The following GRIA2 variants were observed in gnomAD, a reference collection of about 807,000 sequenced individuals.
The protein encoded by GRIA2 is glutamate receptor 2.
Under a neutral mutation model 97.3 loss-of-function variants are expected in GRIA2, and 14 were observed. The ratio of observed to expected loss-of-function variants is 0.14; its 90% CI spans 0.10 to 0.23. GRIA2 has a LOEUF of 0.23. GRIA2 is among the 10% of genes least tolerant of loss of function. The pLI is 1.00. For missense variants in GRIA2, 558 were observed against 1,069.8 expected (o/e 0.52, Z 6.67); for synonymous variants, 412 against 387.8 (o/e 1.06, Z -0.73).
intron 2 of GRIA2, among the ~76,000 whole-genome samples, chr4:157,285,830 C>T (rs924931602): frequency 6.6e-6 from 1 of 151,498 alleles, no homozygotes; most frequent in Admixed American, 6.6e-5. Flanking sequence ...ACAGTGACTA[C>T]AATTTATAGA....
At chr4:157,356,773 A>T (rs181756236) in intron 12 of GRIA2, among the ~76,000 whole-genome samples, 1 of 152,112 alleles carries the variant, frequency 6.6e-6, no homozygotes, top group African/African-American at 2.4e-5. Flanking sequence ...TAAATATATT[A>T]TAAGAAATAA....
At chr4:157,243,005 G>T (rs1730573662) in intron 2 of GRIA2, among the ~76,000 whole-genome samples, 1 of 152,020 alleles carries the variant, frequency 6.6e-6, no homozygotes, top group Non-Finnish European at 1.5e-5. Flanking sequence ...AACAAAAAGT[G>T]CAAAGATGCA....
chr4:157,301,887 A>G (rs1006598929), intron 2 of GRIA2, among the ~76,000 whole-genome samples: 2 of 152,018 alleles, frequency 1.3e-5, no homozygotes. Flanking sequence ...TTAAAGCCAC[A>G]TATTTGGCCA....
At chr4:157,268,347 G>A (rs1731864122) in intron 2 of GRIA2, among the ~76,000 whole-genome samples, 1 of 151,976 alleles carries the variant, frequency 6.6e-6, no homozygotes, top group South Asian at 2.1e-4. Flanking sequence ...ATTGAAATAA[G>A]TAAGCTCACT....
At chr4:157,297,620 AGTTT>A (rs1390571702) in intron 2 of GRIA2, among the ~76,000 whole-genome samples, 1 of 152,122 alleles carries the variant, frequency 6.6e-6, no homozygotes, top group Non-Finnish European at 1.5e-5. Context: ...ATTCAAACCC[AGTTT>A]GTTCTCACTT....
intron 2 of GRIA2, among the ~76,000 whole-genome samples, chr4:157,284,341 G>A (rs891376225): frequency 6.6e-6 from 1 of 151,662 alleles, no homozygotes; most frequent in African/African-American, 2.4e-5. Flanking sequence ...AGACTTTTGT[G>A]GACTTACATT....
rs567550367 is a variant in GRIA2, at chr4:157,363,324, C to T, written c.*4-111C>T. The stretch of plus-strand genomic sequence containing the variant: ...ACTGTTTGCTTTCATTTGCTAGAAG[C>T]TTTCAGATAGAAGTAAACTTTTCAA... On this transcript the variant is annotated intron_variant, in intron 15 of 15. Coordinates refer to ENST00000264426, the MANE Select transcript of GRIA2 (RefSeq NM_001083619.3). 3,817 of 660,214 alleles carry T rather than the reference C, an allele frequency of 5.8e-3. 20 individuals are homozygous for T. Among genetic ancestry groups the T allele is most frequent in the Non-Finnish European group, 6.6e-3 (3,030 of 457,966 alleles). 40.9% of individuals were successfully genotyped at this position (660,214 alleles called of 1,614,324 possible). A position where few individuals can be genotyped will look rare whatever the true frequency, so the allele number is the denominator to read the frequency against.
At chr4:157,259,819 C>T (rs1186264484) in intron 2 of GRIA2, among the ~76,000 whole-genome samples, 1 of 152,100 alleles carries the variant, frequency 6.6e-6, no homozygotes, top group South Asian at 2.1e-4. Context: ...TTCCTTATAA[C>T]TCACTGCCAG....
intron 2 of GRIA2, among the ~76,000 whole-genome samples, chr4:157,271,583 A>G (rs1198714969): frequency 6.6e-6 from 1 of 152,074 alleles, no homozygotes; most frequent in Non-Finnish European, 1.5e-5. Flanking sequence ...ATATTCCACT[A>G]TCTAGAAGTT....
intron 2 of GRIA2, among the ~76,000 whole-genome samples, chr4:157,276,079 C>T (rs1040847349): frequency 1.3e-5 from 2 of 152,058 alleles, no homozygotes; most frequent in Admixed American, 6.6e-5. Flanking sequence ...AGGTCCTTCA[C>T]GTCCCTTGTA....
Position 157,360,025 on chromosome 4 carries a change from T to G in GRIA2, c.2173T>G (p.Leu725Val), listed in dbSNP as rs562250284. 6.2e-7 allele frequency: 1 copy of G among 1,613,954 alleles called. No individual in the cohort carries two copies. Reference protein sequence around the residue: ...RKSKGKYAYLLESTMNEYIEQ... With the variant: ...RKSKGKYAYLVESTMNEYIEQ... ...GTCCAAAGGGAAATATGCCTACTTG[T>G]TGGAGTCCACGATGAACGAGTACAT... Residue 725 changes from leucine (L) to valine (V), a missense_variant, in exon 13 of 16, where the codon TTG (leucine) becomes GTG (valine). Leu to Val is a conservative substitution (Grantham distance 32). Coordinates refer to ENST00000264426, the MANE Select transcript of GRIA2 (RefSeq NM_001083619.3).
In GRIA2 at chr4:157,361,254, G is replaced by T. The variant is rs1208589004; in HGVS notation, c.2406+130G>T. The T allele has an allele frequency of 2.9e-6, 2 of 692,342 alleles. No individual in the cohort carries two copies. Among genetic ancestry groups the T allele is most frequent in the Non-Finnish European group, 4.9e-6 (2 of 404,208 alleles). The allele number at this position is 692,342 out of a possible 1,614,324, so 42.9% of individuals were successfully genotyped here. The stretch of plus-strand genomic sequence containing the variant: ...CTGAAGAGTGCAATTGGATGACCAG[G>T]ACACTTGACTTCTTCTTTCTTTCTT... On this transcript the variant is annotated intron_variant, in intron 14 of 15. Transcript: ENST00000264426. The surrounding 1 kb of genome is among the most constrained non-coding windows in gnomAD (Gnocchi z 5.2).
chr4:157,312,101 A>T (rs533171511), intron 3 of GRIA2, among the ~76,000 whole-genome samples: 2 of 152,166 alleles, frequency 1.3e-5, no homozygotes, highest in Admixed American at 1.3e-4. Context: ...TAACAAAAAA[A>T]ATAACATAAC....
At chr4:157,226,048 AT>A (rs1226827059) in intron 2 of GRIA2, among the ~76,000 whole-genome samples, 1 of 152,000 alleles carries the variant, frequency 6.6e-6, no homozygotes, top group African/African-American at 2.4e-5. Context: ...AAAGTATTAA[AT>A]ATTGAATTTA....
At chr4:157,271,881 G>C (rs1732042210) in intron 2 of GRIA2, among the ~76,000 whole-genome samples, 1 of 152,002 alleles carries the variant, frequency 6.6e-6, no homozygotes, top group Admixed American at 6.6e-5. Flanking sequence ...CAAGAAACAG[G>C]GTTGAAGACC....
chr4:157,324,249 T>G (rs1192463310), intron 6 of GRIA2, among the ~76,000 whole-genome samples: 1 of 152,086 alleles, frequency 6.6e-6, no homozygotes, highest in Non-Finnish European at 1.5e-5. Flanking sequence ...TCCCTGAAGC[T>G]CAATAAAAAT....
At chr4:157,331,864 G>T (rs1056212972) in intron 6 of GRIA2, among the ~76,000 whole-genome samples, 2 of 151,994 alleles carry the variant, frequency 1.3e-5, no homozygotes, top group African/African-American at 4.8e-5. Flanking sequence ...AGAATTATTT[G>T]GGAATGCTGA....
intron 2 of GRIA2, among the ~76,000 whole-genome samples, chr4:157,260,957 C>T (rs566676144): frequency 5.3e-5 from 8 of 152,016 alleles, no homozygotes; most frequent in Admixed American, 1.3e-4. Context: ...TTTAGCTCTG[C>T]CTTATTGTTA....
At chr4:157,346,589 C>T (rs1212850729) in intron 12 of GRIA2, among the ~76,000 whole-genome samples, 2 of 151,876 alleles carry the variant, frequency 1.3e-5, no homozygotes, top group Non-Finnish European at 2.9e-5. Context: ...TTACTCATAT[C>T]GAAATAGACC....
Sources: gnomAD v4.1 joint callset for allele counts (sites outside exome capture counted in the v4.1 genomes callset) on GRCh38, gnomAD v4.1.1 for gene constraint, Gnocchi (gnomAD v3.1) non-coding constraint, MANE v1.5 for transcripts, NCBI Gene and HGNC (gene_info 2026-07-23, HGNC 2026-07-21) for gene names.